The following PGS1 variants were observed in gnomAD, a reference collection of about 807,000 sequenced individuals.
PGS1 encodes the protein CDP-diacylglycerol--glycerol-3-phosphate 3-phosphatidyltransferase, mitochondrial.
Under a neutral mutation model 58.3 loss-of-function variants are expected in PGS1, and 44 were observed. The observed-to-expected ratio is 0.75, with a 90% CI of 0.59 to 0.97. The LOEUF (loss-of-function observed/expected upper bound fraction) is 0.97, where lower values mean the gene tolerates loss of function less well. Among genes scored for constraint, PGS1 ranks in the 50% least tolerant of loss-of-function variants. The pLI, the probability that PGS1 is intolerant of heterozygous loss-of-function variation, is 0.00. For missense variants in PGS1, 684 were observed against 731.1 expected, an observed-to-expected ratio of 0.94 and a Z score of 0.74; for synonymous variants, 330 against 311.0, an observed-to-expected ratio of 1.06 and a Z score of -0.64.
chr17:78,399,474 A>G lies in PGS1; in HGVS notation c.638A>G (p.Asn213Ser), dbSNP rs1320361939. 3.7e-6 allele frequency: 6 copies of G among 1,614,158 alleles called. No individual in the cohort carries two copies. Among genetic ancestry groups the G allele is most frequent in the East Asian group, 2.2e-5 (1 of 44,884 alleles). The change falls in exon 5 of 10, where the codon AAC (asparagine) becomes AGC (serine). Residue 213 changes from asparagine to serine, a missense_variant. Coordinates refer to ENST00000262764, the MANE Select transcript of PGS1 (RefSeq NM_024419.5). ...CGGCTCCTCATCCCTGAGCGCTTCA[A>G]CGAGACCATCGGCCTCCAGCACATT... ...LLRLLIPERFNETIGLQHIKV... is the reference protein window; with the variant it reads ...LLRLLIPERFSETIGLQHIKV...
intron 8 of PGS1, among the ~76,000 whole-genome samples, chr17:78,419,338 T>G (rs867565206): frequency 2.0e-5 from 3 of 152,354 alleles, no homozygotes; most frequent in Middle Eastern, 6.8e-3. Flanking sequence ...ACACGGCTTC[T>G]TAGCTTTTCT....
chr17:78,394,651 G>C (rs571603686), intron 2 of PGS1, among the ~76,000 whole-genome samples: 362 of 152,070 alleles, frequency 2.4e-3, no homozygotes, highest in Non-Finnish European at 4.7e-3. Context: ...TGCCTCCTGG[G>C]TTCAAGTGAT....
At chr17:78,399,833 T>C (rs2083518112) in intron 5 of PGS1, 1 of 432,188 alleles carries the variant, frequency 2.3e-6, no homozygotes, top group Non-Finnish European at 4.3e-6. Flanking sequence ...TGTGTACATG[T>C]GGAAACAGAT....
intron 7 of PGS1, among the ~76,000 whole-genome samples, chr17:78,409,347 G>T (rs1412441621): frequency 1.3e-5 from 2 of 152,258 alleles, no homozygotes; most frequent in African/African-American, 4.8e-5. Flanking sequence ...GGCGGAGCAG[G>T]TGTTGGATTA....
chr17:78,408,899 G>A (rs183233112), intron 7 of PGS1, among the ~76,000 whole-genome samples: 5 of 152,294 alleles, frequency 3.3e-5, no homozygotes, highest in East Asian at 1.9e-4. Context: ...TCGTGCTGCC[G>A]CAGACACATC....
At position 78,378,774 on chromosome 17, in the gene PGS1, C is replaced by G; in HGVS notation, c.109C>G (p.Arg37Gly). Residue 37 changes from arginine to glycine, a missense_variant, in exon 1 of 10, where the codon CGC (arginine) becomes GGC (glycine). Coordinates refer to ENST00000262764, the MANE Select transcript of PGS1 (RefSeq NM_024419.5). ...LAALLGRLSD[R>G]LGRNRDRQRR... is the part of the protein sequence containing the mutation. Reference sequence around the variant, plus strand: ...CGCGCTCCTGGGACGCCTGTCCGACCGCCTCGGCAGGAACCGGGACCGCCA... The same window carrying G: ...CGCGCTCCTGGGACGCCTGTCCGACGGCCTCGGCAGGAACCGGGACCGCCA... 6.7e-7 allele frequency: 1 copy of G among 1,491,444 alleles called. No homozygotes were observed. Among genetic ancestry groups the G allele is most frequent in the Non-Finnish European group, 8.9e-7 (1 of 1,127,684 alleles). 92.4% of individuals were successfully genotyped at this position (1,491,444 alleles called of 1,614,324 possible).
chr17:78,386,870 C>A (rs972129439), intron 1 of PGS1, among the ~76,000 whole-genome samples: 2 of 152,102 alleles, frequency 1.3e-5, no homozygotes, highest in Non-Finnish European at 2.9e-5. Context: ...AAAATAGGTC[C>A]CTGAGCAGCG....
At chr17:78,388,151 C>T (rs555881848) in intron 1 of PGS1, among the ~76,000 whole-genome samples, 116 of 152,350 alleles carry the variant, frequency 7.6e-4, no homozygotes, top group African/African-American at 2.5e-3. Context: ...ATAAAAAAGC[C>T]TTCAAGAACT....
chr17:78,404,055 G>T lies in PGS1; in HGVS notation c.1368G>T (p.Glu456Asp), dbSNP rs199746606. ...LGQQERVQLQ[E>D]YWRRGWTFHA... ...AGCAGGAGCGGGTCCAGCTTCAGGAGTACTGGCGGAGGGGCTGGACGTTCC... is the reference window on the plus strand; with the variant it reads ...AGCAGGAGCGGGTCCAGCTTCAGGATTACTGGCGGAGGGGCTGGACGTTCC... The change falls in exon 7 of 10, where the codon GAG (glutamate) becomes GAT (aspartate). Residue 456 changes from glutamate (E) to aspartate (D), a missense_variant. Physicochemically the swap from Glu to Asp is conservative, Grantham distance 45. Coordinates refer to ENST00000262764, the MANE Select transcript of PGS1 (RefSeq NM_024419.5). 1.2e-6 allele frequency: 2 copies of T among 1,602,372 alleles called. No homozygotes were observed. The highest frequency in any genetic ancestry group is 1.1e-5 in the South Asian group (1 of 90,248).
chr17:78,395,284 A>T (rs1567957361), intron 2 of PGS1, among the ~76,000 whole-genome samples: 1 of 151,832 alleles, frequency 6.6e-6, no homozygotes, highest in Non-Finnish European at 1.5e-5. Flanking sequence ...TATAATCATC[A>T]CCCCCACAAA....
At chr17:78,399,719 G>A (rs2083506476) in intron 5 of PGS1, among the ~76,000 whole-genome samples, 182 bp downstream of exon 5, 1 of 152,240 alleles carries the variant, frequency 6.6e-6, no homozygotes, top group Admixed American at 6.5e-5. Flanking sequence ...AATTCCCCGG[G>A]GGCTGACTGG....
chr17:78,388,401 GTTTC>G lies in PGS1; in HGVS notation c.144-4065_144-4062del, dbSNP rs151269639. ...TTCTGCTGAAAGTGGTCTTGTTCCT[GTTTC>G]TTTCTTTCTGCACTTGACCTCTAGG... On this transcript the variant is annotated intron_variant, in intron 1 of 9. Coordinates refer to ENST00000262764, the MANE Select transcript of PGS1 (RefSeq NM_024419.5). Among the ~76,000 whole-genome samples, 58 of 152,228 alleles carry G rather than the reference GTTTC, an allele frequency of 3.8e-4. 1 individual carries two copies. The East Asian group carries it at 0.011, about 28-fold the overall frequency.
intron 7 of PGS1, among the ~76,000 whole-genome samples, chr17:78,408,222 A>G (rs1228518106): frequency 6.6e-6 from 1 of 152,228 alleles, no homozygotes; most frequent in African/African-American, 2.4e-5. Flanking sequence ...TTCTTTTGCA[A>G]TATGGTTTAT....
At chr17:78,403,324 G>C (rs1286417490) in intron 6 of PGS1, among the ~76,000 whole-genome samples, 2 of 151,908 alleles carry the variant, frequency 1.3e-5, no homozygotes, top group Non-Finnish European at 2.9e-5. Flanking sequence ...GGAATGATAC[G>C]TCGACATGCC....
chr17:78,393,059 G>A (rs1419985600), intron 2 of PGS1, among the ~76,000 whole-genome samples: 3 of 146,714 alleles, frequency 2.0e-5, no homozygotes, highest in Non-Finnish European at 3.0e-5. Context: ...CCTAGACTTC[G>A]ATTCTTTTTT....
rs1040163062 is a variant in PGS1, at chr17:78,391,919, C to T, written c.144-557C>T. On this transcript the variant is annotated intron_variant, in intron 1 of 9. Transcript: ENST00000262764. ...GATTATAGGCCTGAGCCACCATGCTCGGCATAAATTGGATTTTTAAAGAGA... is the reference window on the plus strand; with the variant it reads ...GATTATAGGCCTGAGCCACCATGCTTGGCATAAATTGGATTTTTAAAGAGA... 6.6e-5 allele frequency among the ~76,000 whole-genome samples: 10 copies of T among 152,284 alleles called. No homozygotes were observed. In the South Asian group the frequency reaches 1.0e-3, roughly 16 times the overall value.
chr17:78,385,481 G>A (rs1037381180), intron 1 of PGS1, among the ~76,000 whole-genome samples: 1 of 152,180 alleles, frequency 6.6e-6, no homozygotes, highest in Admixed American at 6.5e-5. Flanking sequence ...AGTAGAGATG[G>A]GGTTTCACCA....
chr17:78,388,456 C>T (rs144993367), intron 1 of PGS1, among the ~76,000 whole-genome samples: 1 of 152,288 alleles, frequency 6.6e-6, no homozygotes, highest in East Asian at 1.9e-4. Flanking sequence ...CCCTCAATCT[C>T]CCGAGTAGCT....
At chr17:78,401,681 G>A (rs1302102735) in intron 6 of PGS1, among the ~76,000 whole-genome samples, 1 of 152,146 alleles carries the variant, frequency 6.6e-6, no homozygotes, top group Non-Finnish European at 1.5e-5. Context: ...TGTGTCAGGG[G>A]AGCCCTGGGC....
Sources: gnomAD v4.1 joint callset for allele counts (sites outside exome capture counted in the v4.1 genomes callset) on GRCh38, gnomAD v4.1.1 for gene constraint, MANE v1.5 for transcripts, NCBI Gene and HGNC (gene_info 2026-07-23, HGNC 2026-07-21) for gene names.